DMRT1: variants seen among roughly 807,000 people sequenced by gnomAD.
The protein encoded by DMRT1 is doublesex and mab-3 related transcription factor 1.
A neutral mutation model predicts 32.3 loss-of-function variants in DMRT1; 7 were observed. The observed-to-expected ratio is 0.22, with a 90% CI of 0.12 to 0.41. DMRT1 has a LOEUF of 0.41. DMRT1 is among the 10% of genes least tolerant of loss of function. DMRT1 has a pLI of 1.00. For missense variants in DMRT1, 625 were observed against 500.5 expected (o/e 1.25, Z -2.37); for synonymous variants, 278 against 206.1 (o/e 1.35, Z -2.99).
chr9:925,916 G>A (rs922197639), intron 4 of DMRT1, among the ~76,000 whole-genome samples: 2 of 152,194 alleles, frequency 1.3e-5, no homozygotes, highest in Non-Finnish European at 2.9e-5. Flanking sequence ...CTACAGTCTA[G>A]CACCCTCATG....
intron 3 of DMRT1, among the ~76,000 whole-genome samples, chr9:897,154 C>T (rs1429057503): frequency 2.0e-5 from 3 of 150,974 alleles, no homozygotes; most frequent in Non-Finnish European, 4.4e-5. Context: ...GCTCTGTCGC[C>T]CAGGCTGGGG....
intron 2 of DMRT1, among the ~76,000 whole-genome samples, chr9:867,861 G>T (rs1181086901): frequency 6.6e-6 from 1 of 152,176 alleles, no homozygotes; most frequent in Non-Finnish European, 1.5e-5. Flanking sequence ...TATTTTCTCT[G>T]TAAGTGCTGT....
intron 3 of DMRT1, among the ~76,000 whole-genome samples, chr9:911,104 A>ACCTTGGCGCTGTTCAGG (rs1210213085): frequency 2.0e-5 from 3 of 152,010 alleles, no homozygotes; most frequent in Non-Finnish European, 4.4e-5. Context: ...GGAGCTTCTC[A>ACCTTGGCGCTGTTCAGG]CCTTGGCGCT....
At chr9:851,422 A>G (rs1463153506) in intron 2 of DMRT1, among the ~76,000 whole-genome samples, 2 of 147,154 alleles carry the variant, frequency 1.4e-5, no homozygotes, top group East Asian at 4.9e-4. Context: ...TACTTTTAGT[A>G]GAGACAGAGT....
At chr9:855,642 C>G (rs1344780975) in intron 2 of DMRT1, among the ~76,000 whole-genome samples, 1 of 152,174 alleles carries the variant, frequency 6.6e-6, no homozygotes, top group Non-Finnish European at 1.5e-5. Flanking sequence ...CTTTTTGAGA[C>G]AGGGTCTCGC....
chr9:858,866 AAAAAATATATAT>A (rs1445446610), intron 2 of DMRT1, among the ~76,000 whole-genome samples: 21 of 23,158 alleles, frequency 9.1e-4, no homozygotes, highest in African/African-American at 1.4e-3. Context: ...AAAAAAAAAA[AAAAAATATATAT>A]ATATATATAT....
At chr9:842,382 A>T in intron 1 of DMRT1, 190 bp downstream of exon 1, 1 of 701,090 alleles carries the variant, frequency 1.4e-6, no homozygotes, top group Non-Finnish European at 2.3e-6. Context: ...CTACAGGCGC[A>T]CACCACCATG....
intron 2 of DMRT1, among the ~76,000 whole-genome samples, chr9:856,513 C>G (rs1815407904): frequency 6.6e-6 from 1 of 152,158 alleles, no homozygotes; most frequent in Non-Finnish European, 1.5e-5. Context: ...TGTCTTACTT[C>G]TCTTACTTAG....
At chr9:851,427 C>CA (rs1564196180) in intron 2 of DMRT1, among the ~76,000 whole-genome samples, 3 of 112,778 alleles carry the variant, frequency 2.7e-5, no homozygotes, top group African/African-American at 9.0e-5. Context: ...TTAGTAGAGA[C>CA]AGAGTTTCAC....
At chr9:911,646 C>T (rs1407726555) in intron 3 of DMRT1, among the ~76,000 whole-genome samples, 1 of 151,886 alleles carries the variant, frequency 6.6e-6, no homozygotes, top group African/African-American at 2.4e-5. Flanking sequence ...GCGCCTGCCA[C>T]CACACCCAGC....
chr9:931,884 T>C (rs1818738424), intron 4 of DMRT1, among the ~76,000 whole-genome samples: 1 of 152,236 alleles, frequency 6.6e-6, no homozygotes, highest in African/African-American at 2.4e-5. Context: ...TGTCTCTAAA[T>C]GTCTCTTCTT....
rs191588326 is a variant in DMRT1, at chr9:918,082, A to G, written c.967+1175A>G. ...CTTATAAGCTCCCTAAGGACAAACA[A>G]CACATTTTCTATACTTTCTTACCTG... is the stretch of plus-strand genomic sequence containing the variant. On this transcript the variant is annotated intron_variant, in intron 4 of 4. Coordinates refer to ENST00000382276, the MANE Select transcript of DMRT1 (RefSeq NM_021951.3). Among the ~76,000 whole-genome samples, 371 of 152,350 alleles carry G rather than the reference A, an allele frequency of 2.4e-3. 2 individuals are homozygous for G. The highest frequency in any genetic ancestry group is 8.6e-3 in the African/African-American group (358 of 41,584).
intron 2 of DMRT1, among the ~76,000 whole-genome samples, chr9:875,901 G>A (rs866905204): frequency 1.1e-4 from 16 of 152,228 alleles, no homozygotes; most frequent in African/African-American, 2.9e-4. Context: ...AGCTGCGTCC[G>A]GTGTTTAAAA....
chr9:892,047 T>C (rs1215134436), intron 2 of DMRT1, among the ~76,000 whole-genome samples: 2 of 152,180 alleles, frequency 1.3e-5, no homozygotes, highest in Admixed American at 6.5e-5. Flanking sequence ...TTTGGATTTC[T>C]TGTTGCTTGT....
Position 846,658 on chromosome 9 carries a change from G to A in DMRT1, c.355-302G>A, listed in dbSNP as rs148555187. On this transcript the variant is annotated intron_variant, in intron 1 of 4. Transcript: ENST00000382276. ...TGCAGTGGTGCGATTATAGCCCACCGTAGCCTCAAACTCCTGGGCTTAAGT... is the reference window on the plus strand; with the variant it reads ...TGCAGTGGTGCGATTATAGCCCACCATAGCCTCAAACTCCTGGGCTTAAGT... Among the ~76,000 whole-genome samples, 1,144 of 152,226 alleles carry A rather than the reference G, an allele frequency of 7.5e-3. 17 individuals are homozygous for A. Among genetic ancestry groups the A allele is most frequent in the African/African-American group, 0.025 (1,029 of 41,532 alleles).
chr9:866,127 G>T (rs1037312377), intron 2 of DMRT1, among the ~76,000 whole-genome samples: 3 of 119,698 alleles, frequency 2.5e-5, no homozygotes, highest in African/African-American at 9.5e-5. Flanking sequence ...TCCTGCTACT[G>T]CACTCCAGCC....
At chr9:876,777 C>T (rs1203642404) in intron 2 of DMRT1, among the ~76,000 whole-genome samples, 5 of 152,168 alleles carry the variant, frequency 3.3e-5, no homozygotes, top group Admixed American at 6.5e-5. Flanking sequence ...GCAATCCTCC[C>T]GCCTTGGCCT....
intron 2 of DMRT1, among the ~76,000 whole-genome samples, chr9:892,070 T>C (rs1464462318): frequency 6.6e-6 from 1 of 152,142 alleles, no homozygotes; most frequent in East Asian, 1.9e-4. Context: ...CTCCTTGCTC[T>C]CTTGCAGGCC....
At chr9:878,361 TG>T (rs1474137704) in intron 2 of DMRT1, among the ~76,000 whole-genome samples, 1 of 152,152 alleles carries the variant, frequency 6.6e-6, no homozygotes, top group Non-Finnish European at 1.5e-5. Flanking sequence ...GGGTTGCATT[TG>T]CCTCACTAAG....
Sources: gnomAD v4.1 joint callset for allele counts (sites outside exome capture counted in the v4.1 genomes callset) on GRCh38, gnomAD v4.1.1 for gene constraint, MANE v1.5 for transcripts, NCBI Gene and HGNC (gene_info 2026-07-23, HGNC 2026-07-21) for gene names.